Variants in ENOX1 observed in about 807,000 individuals in gnomAD.
ENOX1 encodes the protein ecto-NOX disulfide-thiol exchanger 1.
Under a neutral mutation model 82.5 loss-of-function variants are expected in ENOX1, and 42 were observed. The ratio of observed to expected loss-of-function variants is 0.51; its 90% CI spans 0.40 to 0.66. The LOEUF (loss-of-function observed/expected upper bound fraction) is 0.66. Among genes scored for constraint, ENOX1 ranks in the 30% least tolerant of loss-of-function variants. The pLI is 0.00. For missense variants in ENOX1, 608 were observed against 811.6 expected, an observed-to-expected ratio of 0.75 and a Z score of 3.05; for synonymous variants, 271 against 282.2, an observed-to-expected ratio of 0.96 and a Z score of 0.40.
chr13:43,323,438 T>C (rs1363577772), intron 10 of ENOX1, among the ~76,000 whole-genome samples: 1 of 152,214 alleles, frequency 6.6e-6, no homozygotes, highest in Non-Finnish European at 1.5e-5. Flanking sequence ...TGTTTACATG[T>C]AGTAGCATAT....
At chr13:43,622,073 T>C (rs971214828) in intron 2 of ENOX1, among the ~76,000 whole-genome samples, 13 of 152,196 alleles carry the variant, frequency 8.5e-5, no homozygotes, top group Non-Finnish European at 1.6e-4. Context: ...CAAAAATGTG[T>C]CCAAAGCTTC....
At chr13:43,418,868 G>A (rs1485922346) in intron 3 of ENOX1, among the ~76,000 whole-genome samples, 4 of 152,186 alleles carry the variant, frequency 2.6e-5, no homozygotes, top group African/African-American at 7.2e-5. Flanking sequence ...GCTAGATAAT[G>A]GGGCAAATAT....
At chr13:43,530,471 A>G (rs970578057) in intron 2 of ENOX1, among the ~76,000 whole-genome samples, 6 of 152,134 alleles carry the variant, frequency 3.9e-5, no homozygotes, top group African/African-American at 9.6e-5. Flanking sequence ...TATATGGCTT[A>G]GAAAATGGTT....
intron 9 of ENOX1, among the ~76,000 whole-genome samples, chr13:43,327,045 C>T (rs181607607): frequency 2.4e-4 from 37 of 152,246 alleles, no homozygotes; most frequent in Admixed American, 8.5e-4. Flanking sequence ...AATGAATAGC[C>T]GTGCCATGTC....
intron 1 of ENOX1, among the ~76,000 whole-genome samples, chr13:43,690,114 T>A (rs2086277059): frequency 6.6e-6 from 1 of 152,154 alleles, no homozygotes; most frequent in South Asian, 2.1e-4. Flanking sequence ...TGTTACCAAC[T>A]AACAGAGTGG....
chr13:43,579,626 TGGA>T (rs948162191), intron 2 of ENOX1, among the ~76,000 whole-genome samples: 100 of 152,124 alleles, frequency 6.6e-4, no homozygotes, highest in African/African-American at 2.3e-3. Flanking sequence ...GGAATCAGGG[TGGA>T]GGAACATGGG....
intron 1 of ENOX1, among the ~76,000 whole-genome samples, chr13:43,767,624 C>T (rs777676894): frequency 1.2e-4 from 18 of 152,226 alleles, no homozygotes; most frequent in Non-Finnish European, 2.5e-4. Flanking sequence ...GACAGTACAG[C>T]AGATATGCTG....
intron 12 of ENOX1, among the ~76,000 whole-genome samples, chr13:43,282,977 G>T (rs950911422): frequency 1.3e-5 from 2 of 151,780 alleles, no homozygotes; most frequent in Non-Finnish European, 2.9e-5. Flanking sequence ...CCAGCTGCTC[G>T]GGAGCTGAGG....
At chr13:43,258,703 T>C (rs1042994508) in intron 14 of ENOX1, among the ~76,000 whole-genome samples, 2 of 152,164 alleles carry the variant, frequency 1.3e-5, no homozygotes, top group Non-Finnish European at 2.9e-5. Context: ...TGGCTCCTGA[T>C]TTTCCAGTTG....
chr13:43,239,189 G>A (rs1180146091), intron 14 of ENOX1, among the ~76,000 whole-genome samples: 1 of 152,210 alleles, frequency 6.6e-6, no homozygotes, highest in Non-Finnish European at 1.5e-5. Context: ...GGATACTGGA[G>A]TGTGTGCTCT....
rs979803232 is a variant in ENOX1 at position 43,360,165 on chromosome 13, G to A, written c.383-108C>T. The A allele has an allele frequency of 3.2e-5, 30 of 946,384 alleles. No individual in the cohort carries two copies. The African/African-American group carries it at 4.5e-4, about 14-fold the overall frequency. The allele number at this position is 946,384 out of a possible 1,614,324, so 58.6% of individuals were successfully genotyped here. A position where few individuals can be genotyped will look rare whatever the true frequency, so the allele number is the denominator to read the frequency against. ...AGTAACTTTCTCCAGACTGAGTGACGGTAAATTTCTATGCCAACTTAACAT... is the reference window on the plus strand; with the variant it reads ...AGTAACTTTCTCCAGACTGAGTGACAGTAAATTTCTATGCCAACTTAACAT... On this transcript the variant is annotated intron_variant, in intron 6 of 16. Coordinates refer to ENST00000690772, the MANE Select transcript of ENOX1 (RefSeq NM_001347969.2).
chr13:43,324,002 G>T (rs1400132935), intron 10 of ENOX1, among the ~76,000 whole-genome samples: 1 of 152,172 alleles, frequency 6.6e-6, no homozygotes, highest in Admixed American at 6.5e-5. Context: ...TGGGGTGCAG[G>T]GGCACCAATC....
At chr13:43,276,580 T>C (rs1222729578) in intron 12 of ENOX1, among the ~76,000 whole-genome samples, 6 of 152,254 alleles carry the variant, frequency 3.9e-5, no homozygotes, top group African/African-American at 1.4e-4. Context: ...TCTTTAGGAA[T>C]GTCAGCCTTA....
At chr13:43,761,138 T>C (rs912615793) in intron 1 of ENOX1, among the ~76,000 whole-genome samples, 6 of 152,002 alleles carry the variant, frequency 3.9e-5, no homozygotes, top group African/African-American at 9.7e-5. Context: ...CCTGTCCTCA[T>C]TCTCCTTCCA....
intron 1 of ENOX1, among the ~76,000 whole-genome samples, chr13:43,766,319 C>T (rs934417650): frequency 1.3e-5 from 2 of 152,186 alleles, no homozygotes; most frequent in Non-Finnish European, 2.9e-5. Flanking sequence ...TAGGTAACTG[C>T]GGACTGTATG....
At chr13:43,649,205 G>A (rs573058892) in intron 2 of ENOX1, among the ~76,000 whole-genome samples, 1 of 152,190 alleles carries the variant, frequency 6.6e-6, no homozygotes, top group African/African-American at 2.4e-5. Context: ...TTTTTATTCA[G>A]GTTGTCATAG....
At chr13:43,313,160 T>C (rs1381431146) in intron 11 of ENOX1, among the ~76,000 whole-genome samples, 1 of 152,136 alleles carries the variant, frequency 6.6e-6, no homozygotes, top group Non-Finnish European at 1.5e-5. Context: ...CTTACGATCT[T>C]GGGTAAATAA....
intron 2 of ENOX1, among the ~76,000 whole-genome samples, chr13:43,519,674 G>C (rs2077687636): frequency 6.6e-6 from 1 of 152,136 alleles, no homozygotes; most frequent in South Asian, 2.1e-4. Flanking sequence ...GACCCCAGGA[G>C]TAGGCCTGAG....
At chr13:43,668,654 C>T (rs1171642432) in intron 1 of ENOX1, among the ~76,000 whole-genome samples, 2 of 152,028 alleles carry the variant, frequency 1.3e-5, no homozygotes, top group African/African-American at 2.4e-5. Flanking sequence ...TGTAAAGAGC[C>T]CCAAAGTGGA....
Sources: gnomAD v4.1 joint callset for allele counts (sites outside exome capture counted in the v4.1 genomes callset) on GRCh38, gnomAD v4.1.1 for gene constraint, MANE v1.5 for transcripts, NCBI Gene and HGNC (gene_info 2026-07-23, HGNC 2026-07-21) for gene names.